NKAIN2: variants seen among roughly 807,000 people sequenced by gnomAD.
NKAIN2 encodes the protein sodium/potassium-transporting ATPase subunit beta-1-interacting protein 2.
Under a neutral mutation model 32.6 loss-of-function variants are expected in NKAIN2, and 14 were observed. The observed-to-expected ratio is 0.43, with a 90% CI of 0.28 to 0.67. NKAIN2 has a LOEUF of 0.67. NKAIN2 is among the 30% of genes least tolerant of loss of function. The pLI, the probability that NKAIN2 is intolerant of heterozygous loss-of-function variation, is 0.17. For synonymous variants in NKAIN2, 80 were observed against 87.2 expected (o/e 0.92, Z 0.46); for missense variants, 198 against 258.3 (o/e 0.77, Z 1.60).
intron 1 of NKAIN2, among the ~76,000 whole-genome samples, chr6:123,951,713 G>C (rs1410066927): frequency 1.3e-5 from 2 of 151,480 alleles, no homozygotes; most frequent in Non-Finnish European, 3.0e-5. Context: ...CACTTTTTTA[G>C]TCTATTCAGC....
intron 3 of NKAIN2, among the ~76,000 whole-genome samples, chr6:124,516,039 C>A (rs1416876528): frequency 6.6e-6 from 1 of 152,084 alleles, no homozygotes; most frequent in African/African-American, 2.4e-5. Context: ...TTATTGCATT[C>A]CTACTATCTT....
intron 1 of NKAIN2, among the ~76,000 whole-genome samples, chr6:124,090,910 A>C (rs1026782718): frequency 6.6e-6 from 1 of 152,024 alleles, no homozygotes; most frequent in Admixed American, 6.6e-5. Flanking sequence ...TGCTGGGCCC[A>C]TAGGAAGCTA....
At chr6:123,953,830 T>A (rs1777437538) in intron 1 of NKAIN2, among the ~76,000 whole-genome samples, 1 of 152,216 alleles carries the variant, frequency 6.6e-6, no homozygotes, top group South Asian at 2.1e-4. Context: ...CAGCAGCGAC[T>A]GCACTACATT....
At chr6:124,127,066 T>C (rs9388301) in intron 1 of NKAIN2, among the ~76,000 whole-genome samples, 16 of 151,778 alleles carry the variant, frequency 1.1e-4, no homozygotes, top group Non-Finnish European at 1.9e-4. Context: ...CATATATATA[T>C]AGAGAGAGAG....
At chr6:123,810,931 A>G (rs974357077) in intron 1 of NKAIN2, among the ~76,000 whole-genome samples, 2 of 152,204 alleles carry the variant, frequency 1.3e-5, no homozygotes, top group African/African-American at 4.8e-5. Flanking sequence ...TTTTAAACAT[A>G]GATTTTTGGG....
intron 3 of NKAIN2, among the ~76,000 whole-genome samples, chr6:124,495,501 T>C (rs552692484): frequency 1.3e-5 from 2 of 151,984 alleles, no homozygotes; most frequent in Non-Finnish European, 2.9e-5. Context: ...ATGCAAACTC[T>C]CACTGAGCAA....
intron 4 of NKAIN2, among the ~76,000 whole-genome samples, chr6:124,688,217 C>T (rs577971048): frequency 6.6e-6 from 1 of 152,158 alleles, no homozygotes; most frequent in South Asian, 2.1e-4. Context: ...TGCTTTACCT[C>T]ACCAGATTTT....
intron 3 of NKAIN2, among the ~76,000 whole-genome samples, chr6:124,365,153 A>T (rs1799468812): frequency 6.6e-6 from 1 of 151,876 alleles, no homozygotes; most frequent in African/African-American, 2.4e-5. Flanking sequence ...TCAATAAGAA[A>T]AAAATATCAA....
At chr6:124,150,424 TG>T (rs1245582820) in intron 1 of NKAIN2, among the ~76,000 whole-genome samples, 2 of 152,124 alleles carry the variant, frequency 1.3e-5, no homozygotes, top group African/African-American at 2.4e-5. Context: ...TATACATGCA[TG>T]TATTATTTTA....
At chr6:124,020,743 G>A (rs1458893006) in intron 1 of NKAIN2, among the ~76,000 whole-genome samples, 1 of 151,978 alleles carries the variant, frequency 6.6e-6, no homozygotes, top group Non-Finnish European at 1.5e-5. Flanking sequence ...AGAAACTGAG[G>A]CACCGAATTT....
At chr6:123,853,201 T>C (rs1370162561) in intron 1 of NKAIN2, among the ~76,000 whole-genome samples, 1 of 152,224 alleles carries the variant, frequency 6.6e-6, no homozygotes, top group Non-Finnish European at 1.5e-5. Flanking sequence ...AAAAATGACT[T>C]GTATTATGAC....
rs1227207129 is a variant in NKAIN2, at chr6:124,375,968, A to G, written c.273+20621A>G. Among the ~76,000 whole-genome samples the G allele has an allele frequency of 3.3e-5, 5 of 152,150 alleles. No individual in the cohort carries two copies. The East Asian group carries it at 9.6e-4, about 29-fold the overall frequency. ...ACATAATGTCTGAGGGTGCCTGCAC[A>G]TAGTTTACATTGGAGTATGAATAGA... is the stretch of plus-strand genomic sequence containing the variant. On this transcript the variant is annotated intron_variant, in intron 3 of 6. Coordinates refer to ENST00000368417, the MANE Select transcript of NKAIN2 (RefSeq NM_001040214.3).
intron 4 of NKAIN2, among the ~76,000 whole-genome samples, chr6:124,771,290 C>T (rs544844999): frequency 3.1e-4 from 47 of 152,260 alleles, no homozygotes; most frequent in African/African-American, 1.1e-3. Flanking sequence ...AATTAAGAAA[C>T]ATTTTGCATA....
At chr6:123,877,976 C>G (rs1361246427) in intron 1 of NKAIN2, among the ~76,000 whole-genome samples, 1 of 152,108 alleles carries the variant, frequency 6.6e-6, no homozygotes. Context: ...CCTGTAATCC[C>G]AGCACTTTGG....
intron 4 of NKAIN2, among the ~76,000 whole-genome samples, chr6:124,715,343 T>C (rs978628989): frequency 7.2e-5 from 11 of 152,100 alleles, no homozygotes; most frequent in African/African-American, 2.4e-4. Context: ...GAGATACAGG[T>C]GAAAGGCTGC....
At chr6:124,112,142 TTTCTC>T (rs1489202715) in intron 1 of NKAIN2, among the ~76,000 whole-genome samples, 1 of 152,170 alleles carries the variant, frequency 6.6e-6, no homozygotes, top group Non-Finnish European at 1.5e-5. Context: ...TATATTTACT[TTTCTC>T]AACCAGTTTT....
intron 3 of NKAIN2, among the ~76,000 whole-genome samples, chr6:124,641,495 A>C (rs886978669): frequency 2.0e-5 from 3 of 146,436 alleles, no homozygotes; most frequent in Non-Finnish European, 4.5e-5. Flanking sequence ...TTTCCACATA[A>C]TCAGAAGAAA....
intron 1 of NKAIN2, among the ~76,000 whole-genome samples, chr6:124,236,504 T>C (rs955142870): frequency 6.6e-6 from 1 of 152,156 alleles, no homozygotes; most frequent in Non-Finnish European, 1.5e-5. Flanking sequence ...AATTTTTCAA[T>C]GATCTGTAGG....
At chr6:124,294,394 C>T (rs996775007) in intron 2 of NKAIN2, among the ~76,000 whole-genome samples, 2 of 152,096 alleles carry the variant, frequency 1.3e-5, no homozygotes, top group East Asian at 1.9e-4. Context: ...TCATAGCACA[C>T]AGTCTGTTTG....
Sources: allele counts gnomAD v4.1 joint callset (sites outside exome capture counted in the v4.1 genomes callset), GRCh38; gene constraint gnomAD v4.1.1; transcripts MANE v1.5; gene names NCBI Gene and HGNC (gene_info 2026-07-23, HGNC 2026-07-21).